The following MDFIC2 variants were observed in gnomAD, a reference collection of about 807,000 sequenced individuals.
The protein encoded by MDFIC2 is MyoD family inhibitor domain containing 2.
chr3:70,226,794 A>AT (rs1165015819), intron 2 of MDFIC2, among the ~76,000 whole-genome samples: 5 of 151,986 alleles, frequency 3.3e-5, no homozygotes, highest in African/African-American at 1.2e-4. Context: ...AAAACAAGAT[A>AT]TTCTGAAGAG....
intron 2 of MDFIC2, among the ~76,000 whole-genome samples, chr3:70,215,350 G>C (rs1260863393): frequency 1.3e-5 from 2 of 152,060 alleles, no homozygotes; most frequent in African/African-American, 4.8e-5. Context: ...CAGAAACGAA[G>C]CACTCTGATA....
At chr3:70,260,104 G>A (rs1701851673) in intron 2 of MDFIC2, among the ~76,000 whole-genome samples, 1 of 152,106 alleles carries the variant, frequency 6.6e-6, no homozygotes, top group South Asian at 2.1e-4. Context: ...CATATCAATT[G>A]GCTTACAGTT....
At chr3:70,275,604 C>G (rs1471253356) in intron 2 of MDFIC2, among the ~76,000 whole-genome samples, 1 of 152,180 alleles carries the variant, frequency 6.6e-6, no homozygotes, top group Non-Finnish European at 1.5e-5. Flanking sequence ...CCTGGCCTTG[C>G]CACTCATTAG....
rs1175337274 is a variant in MDFIC2 at position 70,196,315 on chromosome 3, C to G, written c.*611G>C. Among the ~76,000 whole-genome samples the G allele has an allele frequency of 1.3e-5, 2 of 152,124 alleles. No homozygotes were observed. Among genetic ancestry groups the G allele is most frequent in the African/African-American group, 4.8e-5 (2 of 41,420 alleles). Reference sequence around the variant, plus strand: ...TGAAGTACACCATATTCAAAATTCACTGGAGATGTTTTAGAGACATCTGTT... The same window carrying G: ...TGAAGTACACCATATTCAAAATTCAGTGGAGATGTTTTAGAGACATCTGTT... On this transcript the variant is annotated 3_prime_UTR_variant, in exon 4 of 4. Transcript: ENST00000567252.
chr3:70,268,694 T>G (rs1203645724), intron 2 of MDFIC2, among the ~76,000 whole-genome samples: 1 of 152,202 alleles, frequency 6.6e-6, no homozygotes, highest in Non-Finnish European at 1.5e-5. Context: ...TTGCAGCTGA[T>G]TTTTAAGAGC....
intron 2 of MDFIC2, among the ~76,000 whole-genome samples, chr3:70,225,043 A>T (rs1323633014): frequency 6.6e-6 from 1 of 152,192 alleles, no homozygotes. Flanking sequence ...CTGTTTGGAA[A>T]ATATATTTCT....
At chr3:70,217,417 T>C (rs1701425888) in intron 2 of MDFIC2, among the ~76,000 whole-genome samples, 1 of 152,192 alleles carries the variant, frequency 6.6e-6, no homozygotes, top group Admixed American at 6.5e-5. Flanking sequence ...CTCAAGCTTT[T>C]AATATAATTT....
intron 2 of MDFIC2, among the ~76,000 whole-genome samples, chr3:70,289,709 G>C (rs996248647): frequency 6.6e-6 from 1 of 152,172 alleles, no homozygotes; most frequent in Non-Finnish European, 1.5e-5. Flanking sequence ...ATCAGACCTA[G>C]ATTTGGTCTT....
chr3:70,232,930 G>A (rs999432761), intron 2 of MDFIC2, among the ~76,000 whole-genome samples: 3 of 152,006 alleles, frequency 2.0e-5, no homozygotes, highest in African/African-American at 7.2e-5. Context: ...GGTTCACACC[G>A]GTAATCCCAG....
chr3:70,215,177 G>A (rs1273625491), intron 2 of MDFIC2, among the ~76,000 whole-genome samples: 1 of 152,036 alleles, frequency 6.6e-6, no homozygotes, highest in Non-Finnish European at 1.5e-5. Context: ...CAACAGTTTT[G>A]CAAAGTATTA....
At chr3:70,221,171 T>C (rs1701457707) in intron 2 of MDFIC2, among the ~76,000 whole-genome samples, 1 of 152,174 alleles carries the variant, frequency 6.6e-6, no homozygotes, top group Non-Finnish European at 1.5e-5. Context: ...ACCGTAGATG[T>C]CAGTGAGTTT....
chr3:70,285,717 C>G (rs1702154838), intron 2 of MDFIC2, among the ~76,000 whole-genome samples: 1 of 150,584 alleles, frequency 6.6e-6, no homozygotes, highest in African/African-American at 2.4e-5. Flanking sequence ...TCTCCAGCAC[C>G]TGTTGTTTCC....
intron 2 of MDFIC2, among the ~76,000 whole-genome samples, chr3:70,287,419 T>A (rs1247469422): frequency 6.6e-6 from 1 of 151,662 alleles, no homozygotes; most frequent in African/African-American, 2.4e-5. Flanking sequence ...CACTTGATCA[T>A]GGTGGATAAA....
chr3:70,306,582 A>AT (rs927553365), intron 2 of MDFIC2, among the ~76,000 whole-genome samples: 9 of 151,406 alleles, frequency 5.9e-5, no homozygotes, highest in Middle Eastern at 3.4e-3. Flanking sequence ...CCCACCCCCT[A>AT]TTTTTTTTAT....
intron 2 of MDFIC2, among the ~76,000 whole-genome samples, chr3:70,223,680 C>A (rs1336679147): frequency 1.3e-5 from 2 of 152,108 alleles, no homozygotes; most frequent in Admixed American, 6.6e-5. Context: ...TGAAAAATTT[C>A]TTTTCCCAAG....
At chr3:70,286,582 C>T (rs1457161473) in intron 2 of MDFIC2, among the ~76,000 whole-genome samples, 1 of 151,818 alleles carries the variant, frequency 6.6e-6, no homozygotes, top group East Asian at 1.9e-4. Flanking sequence ...GTAGTTTTTT[C>T]CAATTCTGTG....
chr3:70,203,315 A>G (rs1701258918), intron 3 of MDFIC2, among the ~76,000 whole-genome samples: 1 of 152,170 alleles, frequency 6.6e-6, no homozygotes, highest in African/African-American at 2.4e-5. Flanking sequence ...CCAAAAGTGT[A>G]AAAATCGGTT....
intron 2 of MDFIC2, among the ~76,000 whole-genome samples, chr3:70,234,844 G>A (rs1383832550): frequency 6.6e-6 from 1 of 152,128 alleles, no homozygotes; most frequent in Non-Finnish European, 1.5e-5. Context: ...CACATGGAAT[G>A]CCTCCTCTTC....
chr3:70,267,382 C>CT (rs1355021013), intron 2 of MDFIC2, among the ~76,000 whole-genome samples: 1 of 127,388 alleles, frequency 7.9e-6, no homozygotes, highest in Non-Finnish European at 1.7e-5. Flanking sequence ...TGTACAGATT[C>CT]TTTTTTAATA....
Sources: allele counts gnomAD v4.1 joint callset (sites outside exome capture counted in the v4.1 genomes callset), GRCh38; gene constraint gnomAD v4.1.1; transcripts MANE v1.5; gene names NCBI Gene and HGNC (gene_info 2026-07-23, HGNC 2026-07-21).